Variants in MAOB observed in about 807,000 individuals in gnomAD.
MAOB encodes the protein monoamine oxidase B, also known as amine oxidase [flavin-containing] B.
Under a neutral mutation model 41.9 loss-of-function variants are expected in MAOB, and 15 were observed. That is an observed-to-expected ratio of 0.36 (90% CI 0.24 to 0.55). The LOEUF (loss-of-function observed/expected upper bound fraction) is 0.55, where lower values mean the gene tolerates loss of function less well. Ranked by LOEUF, MAOB falls within the 20% of genes least tolerant of loss-of-function variation. The pLI is 0.86. For missense variants in MAOB, 345 were observed against 398.7 expected, an observed-to-expected ratio of 0.87 and a Z score of 1.15; for synonymous variants, 167 against 144.2, an observed-to-expected ratio of 1.16 and a Z score of -1.13.
intron 5 of MAOB, among the ~76,000 whole-genome samples, chrX:43,798,766 G>A (rs12388038): frequency 0.039 from 4,297 of 111,411 alleles, 235 homozygotes; most frequent in African/African-American, 0.13. Context: ...CAATGGTTGG[G>A]ATAAATGATA....
intron 7 of MAOB, among the ~76,000 whole-genome samples, chrX:43,794,172 G>A (rs898370169): frequency 3.6e-5 from 4 of 111,762 alleles, no homozygotes; most frequent in Non-Finnish European, 7.5e-5. Flanking sequence ...ACCAAGCCTG[G>A]CCCTGCCATT....
At chrX:43,775,372 T>G in intron 11 of MAOB, 100 bp from the exon 12 acceptor site, 4 of 1,101,629 alleles carry the variant, frequency 3.6e-6, no homozygotes, top group South Asian at 2.3e-5. Flanking sequence ...GTCAAACCAA[T>G]GTATTTCGGA....
chrX:43,844,814 T>G (rs1265063322), intron 1 of MAOB, among the ~76,000 whole-genome samples: 3 of 112,013 alleles, frequency 2.7e-5, no homozygotes, highest in Non-Finnish European at 3.8e-5. Context: ...GCTTTTGGCC[T>G]CGGACTGGGA....
chrX:43,882,417 C>G lies in MAOB; in HGVS notation c.-118G>C, dbSNP rs1414743425. On this transcript the variant is annotated 5_prime_UTR_variant, in exon 1 of 15. Coordinates refer to ENST00000378069, the MANE Select transcript of MAOB (RefSeq NM_000898.5). ...GCCCGCCGGCCTGCTGCGCGCTGCC[C>G]CCGTGCACCAGCGCCTCGGCGAGCC... The G allele has an allele frequency of 9.5e-7, 1 of 1,051,761 alleles. No individual in the cohort carries two copies. The highest frequency in any genetic ancestry group is 2.0e-5 in the African/African-American group (1 of 51,006). 86.7% of individuals were successfully genotyped at this position (1,051,761 alleles called of 1,213,427 possible). A position where few individuals can be genotyped will look rare whatever the true frequency, so the allele number is the denominator to read the frequency against.
At chrX:43,799,804 G>A (rs1404730689) in intron 5 of MAOB, among the ~76,000 whole-genome samples, 2 of 111,343 alleles carry the variant, frequency 1.8e-5, no homozygotes, top group East Asian at 2.8e-4. Flanking sequence ...ATGAGAGAAC[G>A]AGTGTCTTCC....
chrX:43,845,277 A>C (rs895135861), intron 1 of MAOB, among the ~76,000 whole-genome samples: 2 of 111,756 alleles, frequency 1.8e-5, no homozygotes, highest in Non-Finnish European at 3.8e-5. Context: ...CCAAATATTA[A>C]GGCCATGCCA....
At chrX:43,802,911 C>T (rs927013477) in intron 4 of MAOB, among the ~76,000 whole-genome samples, 2 of 111,261 alleles carry the variant, frequency 1.8e-5, no homozygotes, top group African/African-American at 6.6e-5. Flanking sequence ...TGAACCTGCA[C>T]GTTCTGCACA....
Position 43,790,706 on chromosome X carries a change from C to A in MAOB, c.928+2713G>T, listed in dbSNP as rs765714735. On this transcript the variant is annotated intron_variant, in intron 8 of 14. Coordinates refer to ENST00000378069, the MANE Select transcript of MAOB (RefSeq NM_000898.5). ...AAGCAATCCTCCAGTCTCAGCCTCC[C>A]GAGAAGCTGGTACCACAGGTGTGCA... Among the ~76,000 whole-genome samples the A allele has an allele frequency of 1.8e-5, 2 of 110,469 alleles. 1 individual carries two copies. Among genetic ancestry groups the A allele is most frequent in the Non-Finnish European group, 3.8e-5 (2 of 52,888 alleles).
In MAOB at chrX:43,881,031, T is replaced by TGTACATAGA. The variant is rs1438604698; in HGVS notation, c.46+1222_46+1223insTCTATGTAC. Among the ~76,000 whole-genome samples, 6 of 113,044 alleles carry TGTACATAGA rather than the reference T, an allele frequency of 5.3e-5. No individual in the cohort carries two copies. The Admixed American group carries it at 5.6e-4, about 10-fold the overall frequency. On this transcript the variant is annotated intron_variant, in intron 1 of 14. Coordinates refer to ENST00000378069, the MANE Select transcript of MAOB (RefSeq NM_000898.5). ...CACAGCCTTGGCCAACCTCAGCATG[T>TGTACATAGA]TGTGATTACGCATCTATGTACCTGC...
chrX:43,881,503 C>T (rs1441886757), intron 1 of MAOB, among the ~76,000 whole-genome samples: 2 of 112,295 alleles, frequency 1.8e-5, no homozygotes, highest in African/African-American at 6.5e-5. Context: ...TCCACCACTA[C>T]CCCCATCCCT....
chrX:43,854,972 G>A (rs1049782014), intron 1 of MAOB, among the ~76,000 whole-genome samples: 2 of 110,271 alleles, frequency 1.8e-5, no homozygotes, highest in East Asian at 5.7e-4. Flanking sequence ...GACATTTTCT[G>A]GCTTCAGAGC....
At chrX:43,786,689 T>C (rs2034404077) in intron 8 of MAOB, among the ~76,000 whole-genome samples, 1 of 111,836 alleles carries the variant, frequency 8.9e-6, no homozygotes, top group Admixed American at 9.6e-5. Context: ...AACGTGTGCA[T>C]ACTGATCATG....
At chrX:43,852,785 T>C (rs1322407338) in intron 1 of MAOB, among the ~76,000 whole-genome samples, 1 of 111,731 alleles carries the variant, frequency 9.0e-6, no homozygotes, top group Admixed American at 9.5e-5. Flanking sequence ...TTATATTTTT[T>C]CAAAAACATA....
intron 3 of MAOB, among the ~76,000 whole-genome samples, chrX:43,817,684 C>T (rs1261186358): frequency 8.9e-6 from 1 of 112,068 alleles, no homozygotes; most frequent in Admixed American, 9.5e-5. Context: ...CCACTCTCTC[C>T]CTTTGTTCAC....
At chrX:43,795,955 T>C in intron 6 of MAOB, 67 bp from the exon 7 acceptor site, 1 of 1,065,042 alleles carries the variant, frequency 9.4e-7, no homozygotes, top group East Asian at 3.0e-5. Context: ...TTCTTAGTTG[T>C]CCTCACATAT....
chrX:43,835,115 G>A (rs999517755), intron 3 of MAOB, among the ~76,000 whole-genome samples: 5 of 112,067 alleles, frequency 4.5e-5, no homozygotes, highest in African/African-American at 1.6e-4. Flanking sequence ...GAGCCCAAAA[G>A]AACAAAGACA....
intron 3 of MAOB, among the ~76,000 whole-genome samples, chrX:43,821,424 G>A (rs896402784): frequency 1.8e-5 from 2 of 111,732 alleles, no homozygotes; most frequent in African/African-American, 6.5e-5. Context: ...CTCCTATCCC[G>A]GCTGCAGCCT....
chrX:43,807,292 G>C (rs918308973), intron 3 of MAOB, among the ~76,000 whole-genome samples: 2 of 111,994 alleles, frequency 1.8e-5, no homozygotes, highest in Non-Finnish European at 3.8e-5. Flanking sequence ...GACTGACACA[G>C]AGTAAGACAG....
intron 2 of MAOB, among the ~76,000 whole-genome samples, chrX:43,840,451 A>G (rs189239801): frequency 2.9e-4 from 32 of 111,864 alleles, no homozygotes; most frequent in East Asian, 5.6e-4. Flanking sequence ...GACAAATTCA[A>G]TTATAAAGGA....
Sources: allele counts gnomAD v4.1 joint callset (sites outside exome capture counted in the v4.1 genomes callset), GRCh38; gene constraint gnomAD v4.1.1; transcripts MANE v1.5; gene names NCBI Gene and HGNC (gene_info 2026-07-23, HGNC 2026-07-21).